SI: variants seen among roughly 807,000 people sequenced by gnomAD.
SI encodes sucrase-isomaltase, also known as sucrase-isomaltase, intestinal.
Under a neutral mutation model 253.3 loss-of-function variants are expected in SI, and 235 were observed. The ratio of observed to expected loss-of-function variants is 0.93; its 90% confidence interval spans 0.83 to 1.03. SI has a LOEUF of 1.03. Among genes scored for constraint, SI ranks in the 50% least tolerant of loss-of-function variants. The probability of loss-of-function intolerance (pLI) is 0.00; values close to 1 mark genes in which losing one functional copy is unlikely to be tolerated. For synonymous variants in SI, 819 were observed against 712.0 expected, an observed-to-expected ratio of 1.15 and a Z score of -2.39; for missense variants, 2,442 against 2,211.1, an observed-to-expected ratio of 1.10 and a Z score of -2.09.
upstream of SI, among the ~76,000 whole-genome samples, chr3:165,081,303 G>A (rs1715314344): frequency 6.6e-6 from 1 of 151,962 alleles, no homozygotes; most frequent in Non-Finnish European, 1.5e-5. Context: ...TCCCCAAATT[G>A]AGTTGGATAG....
chr3:164,993,007 G>A (rs899495661), intron 41 of SI, among the ~76,000 whole-genome samples: 1 of 151,464 alleles, frequency 6.6e-6, no homozygotes. Flanking sequence ...CAATTGAAAT[G>A]AAAAAGAAAA....
In SI at chr3:165,040,102, A is replaced by G. The variant is rs977825145; in HGVS notation, c.2160-131T>C. On this transcript the variant is annotated intron_variant, in intron 18 of 47. Coordinates refer to ENST00000264382, the MANE Select transcript of SI (RefSeq NM_001041.4). ...TTGAATTGTGCTTGTTTCAGATGAC[A>G]TTTTCAATTCATGGTTCTTACATCC... The G allele has an allele frequency of 8.1e-6, 6 of 740,796 alleles. No individual in the cohort carries two copies. In the African/African-American group the frequency reaches 8.7e-5, roughly 11 times the overall value. The allele number at this position is 740,796 out of a possible 1,614,324, so 45.9% of individuals were successfully genotyped here.
chr3:165,037,227 C>T (rs992560762), intron 21 of SI, among the ~76,000 whole-genome samples: 1 of 151,760 alleles, frequency 6.6e-6, no homozygotes, highest in Admixed American at 6.6e-5. Flanking sequence ...AATATAATTT[C>T]AGATATTCTT....
At chr3:164,995,912 T>C (rs1717987345) in intron 40 of SI, among the ~76,000 whole-genome samples, 1 of 151,814 alleles carries the variant, frequency 6.6e-6, no homozygotes, top group Non-Finnish European at 1.5e-5. Flanking sequence ...CAATAATGAA[T>C]CTCTCCCCAA....
intron 44 of SI, among the ~76,000 whole-genome samples, chr3:164,989,389 G>GA (rs1559978090): frequency 0.068 from 4,058 of 59,256 alleles, 186 homozygotes; most frequent in East Asian, 0.11. Flanking sequence ...AGAAAGAAAG[G>GA]AAGAAAGAAA....
At chr3:165,077,234 C>T in intron 1 of SI, among the ~76,000 whole-genome samples, 1 of 151,584 alleles carries the variant, frequency 6.6e-6, no homozygotes, top group South Asian at 2.1e-4. Context: ...AATCCCTCCC[C>T]ATCCACTCTT....
intron 1 of SI, among the ~76,000 whole-genome samples, chr3:165,076,682 T>C (rs1714998195): frequency 6.6e-6 from 1 of 151,680 alleles, no homozygotes; most frequent in Non-Finnish European, 1.5e-5. Context: ...TATACAAAAC[T>C]CTTATATCAA....
intron 33 of SI, among the ~76,000 whole-genome samples, chr3:165,014,748 C>T (rs926540471): frequency 3.3e-5 from 5 of 152,110 alleles, no homozygotes; most frequent in African/African-American, 1.2e-4. Flanking sequence ...ATAAGTATAG[C>T]TGTCAAAACA....
intron 40 of SI, 95 bp from the exon 41 acceptor site, chr3:164,994,500 G>GACA: frequency 6.3e-6 from 8 of 1,260,160 alleles, no homozygotes; most frequent in Non-Finnish European, 8.1e-6. Flanking sequence ...AGTAAGACAT[G>GACA]ATATTAATTG....
chr3:165,008,177 C>T (rs947746528), intron 35 of SI, among the ~76,000 whole-genome samples, 179 bp from the exon 36 acceptor site: 10 of 151,702 alleles, frequency 6.6e-5, no homozygotes, highest in African/African-American at 2.4e-4. Context: ...TCATTGATTG[C>T]TTTTTTCAGT....
At chr3:165,052,663 CA>C (rs199830465) in intron 13 of SI, among the ~76,000 whole-genome samples, 9 of 149,834 alleles carry the variant, frequency 6.0e-5, no homozygotes, top group African/African-American at 4.9e-5. Context: ...TCTCAAAAAA[CA>C]AAAAAAAATC....
chr3:165,059,590 A>C (rs1271266612), intron 10 of SI, among the ~76,000 whole-genome samples: 1 of 151,982 alleles, frequency 6.6e-6, no homozygotes, highest in East Asian at 1.9e-4. Context: ...TACACTTTTC[A>C]GAAAATTTTT....
chr3:165,027,219 G>C (rs2108195499), intron 25 of SI, among the ~76,000 whole-genome samples: 1 of 151,176 alleles, frequency 6.6e-6, no homozygotes, highest in South Asian at 2.1e-4. Flanking sequence ...ACCTAGAAGA[G>C]ATGGATAAAT....
At chr3:165,076,690 C>T (rs1164988473) in intron 1 of SI, among the ~76,000 whole-genome samples, 1 of 151,538 alleles carries the variant, frequency 6.6e-6, no homozygotes, top group East Asian at 1.9e-4. Flanking sequence ...ACTCTTATAT[C>T]AAAAATACAT....
intron 19 of SI, 80 bp from the exon 20 acceptor site, chr3:165,039,214 TA>T: frequency 1.0e-6 from 1 of 966,438 alleles, no homozygotes; most frequent in Non-Finnish European, 1.6e-6. Flanking sequence ...TGGGTTTTCA[TA>T]GTCAAGGGAA....
chr3:164,991,074 A>G (rs1348937032), intron 44 of SI, among the ~76,000 whole-genome samples: 2 of 152,080 alleles, frequency 1.3e-5, no homozygotes, highest in African/African-American at 4.8e-5. Flanking sequence ...CTTATTTGTG[A>G]CACAGACCTC....
the SI span, among the ~76,000 whole-genome samples, chr3:165,089,538 A>G: frequency 6.6e-6 from 1 of 152,140 alleles, no homozygotes; most frequent in African/African-American, 2.4e-5. Flanking sequence ...AGGAGCAGAG[A>G]GAAGAAGGAT....
At chr3:165,078,265 T>C (rs2108123007) in intron 1 of SI, among the ~76,000 whole-genome samples, 168 bp downstream of exon 1, 1 of 151,628 alleles carries the variant, frequency 6.6e-6, no homozygotes, top group East Asian at 1.9e-4. Flanking sequence ...AAATATTTTT[T>C]CCTGTTTAAT....
At chr3:165,021,870 C>T (rs541542840) in intron 26 of SI, among the ~76,000 whole-genome samples, 1 of 151,676 alleles carries the variant, frequency 6.6e-6, no homozygotes, top group African/African-American at 2.4e-5. Context: ...TATTGACAAA[C>T]TGCTTTCCAG....
Sources: gnomAD v4.1 joint callset for allele counts (sites outside exome capture counted in the v4.1 genomes callset) on GRCh38, gnomAD v4.1.1 for gene constraint, MANE v1.5 for transcripts, NCBI Gene and HGNC (gene_info 2026-07-23, HGNC 2026-07-21) for gene names.